Variants in CCDC175 observed in about 807,000 individuals in gnomAD.
CCDC175 encodes coiled-coil domain-containing protein 175.
Under a neutral mutation model 114.6 loss-of-function variants are expected in CCDC175, and 100 were observed. The observed-to-expected ratio is 0.87, with a 90% confidence interval of 0.74 to 1.03. The LOEUF is 1.03. CCDC175 is among the 50% of genes least tolerant of loss of function. The probability of loss-of-function intolerance (pLI) is 0.00; values close to 1 mark genes in which losing one functional copy is unlikely to be tolerated. For missense variants in CCDC175, 880 were observed against 917.8 expected, an observed-to-expected ratio of 0.96 and a Z score of 0.53; for synonymous variants, 306 against 308.7, an observed-to-expected ratio of 0.99 and a Z score of 0.09.
intron 17 of CCDC175, among the ~76,000 whole-genome samples, chr14:59,518,458 C>A (rs1893233812): frequency 6.6e-6 from 1 of 152,038 alleles, no homozygotes; most frequent in Non-Finnish European, 1.5e-5. Flanking sequence ...CTACAATGAA[C>A]TCAGACAAAT....
intron 8 of CCDC175, among the ~76,000 whole-genome samples, chr14:59,546,635 G>A (rs959911794): frequency 6.6e-6 from 1 of 152,028 alleles, no homozygotes; most frequent in Admixed American, 6.6e-5. Flanking sequence ...CATGGCAAGT[G>A]GAACAAAAGC....
At chr14:59,510,585 C>T in intron 19 of CCDC175, 61 bp downstream of exon 19, 1 of 1,486,484 alleles carries the variant, frequency 6.7e-7, no homozygotes, top group Non-Finnish European at 9.1e-7. Context: ...TTTGATGTTA[C>T]CAGCTATATA....
chr14:59,570,242 T>C (rs945273068), intron 3 of CCDC175, among the ~76,000 whole-genome samples: 2 of 152,028 alleles, frequency 1.3e-5, no homozygotes, highest in African/African-American at 4.8e-5. Context: ...CCTGGAGAAG[T>C]TGCACACACT....
chr14:59,568,354 T>A lies in CCDC175; in HGVS notation c.382A>T (p.Asn128Tyr). 1 of 1,529,580 alleles carries A rather than the reference T, an allele frequency of 6.5e-7. No individual in the cohort carries two copies. The highest frequency in any genetic ancestry group is 1.2e-5 in the South Asian group (1 of 81,898). 94.8% of individuals were successfully genotyped at this position (1,529,580 alleles called of 1,614,324 possible). ...TTTATTGTATTTATCTCAAAAAGAT[T>A]TAATCTGCGAGCGTCTCGGACACAT... ...EECVRDARRL[N>Y]LFEINTIKMR... Residue 128 changes from asparagine (N) to tyrosine (Y), a missense_variant, in exon 4 of 20, where the codon AAT becomes TAT. Coordinates refer to ENST00000537690, the MANE Select transcript of CCDC175 (RefSeq NM_001164399.2).
intron 7 of CCDC175, among the ~76,000 whole-genome samples, chr14:59,555,959 T>C (rs1183567757): frequency 1.3e-5 from 2 of 151,964 alleles, no homozygotes; most frequent in Non-Finnish European, 2.9e-5. Flanking sequence ...CTCAACGAAA[T>C]AAAAGAGGAC....
chr14:59,530,457 AGGAGG>A (rs1211477708), intron 14 of CCDC175, among the ~76,000 whole-genome samples: 10 of 96,202 alleles, frequency 1.0e-4, no homozygotes, highest in East Asian at 3.4e-4. Flanking sequence ...GGGAGGGGAG[AGGAGG>A]GGAGGGGAGG....
At chr14:59,505,922 T>C (rs1388138700) in intron 19 of CCDC175, among the ~76,000 whole-genome samples, 2 of 152,272 alleles carry the variant, frequency 1.3e-5, no homozygotes, top group African/African-American at 4.8e-5. Flanking sequence ...ATTTTCAGAT[T>C]TTGGAATATT....
intron 15 of CCDC175, among the ~76,000 whole-genome samples, chr14:59,526,099 A>T (rs1893717897): frequency 6.6e-6 from 1 of 152,206 alleles, no homozygotes; most frequent in South Asian, 2.1e-4. Flanking sequence ...GAAGAAGATT[A>T]TGAATTTTTT....
chr14:59,572,912 T>C, intron 2 of CCDC175, 99 bp from the exon 3 acceptor site: 1 of 600,400 alleles, frequency 1.7e-6, no homozygotes, highest in African/African-American at 1.9e-5. Flanking sequence ...GGTCAAAATA[T>C]AATTTCACTA....
At chr14:59,545,444 A>G (rs921856008) in intron 8 of CCDC175, 145 bp from the exon 9 acceptor site, 11 of 637,162 alleles carry the variant, frequency 1.7e-5, no homozygotes, top group African/African-American at 1.7e-4. Context: ...ATTTAATTCT[A>G]TAGCAAACAT....
intron 1 of CCDC175, among the ~76,000 whole-genome samples, chr14:59,575,819 A>G (rs1897087650): frequency 7.2e-6 from 1 of 138,256 alleles, no homozygotes; most frequent in Non-Finnish European, 1.6e-5. Context: ...AACATTCTTC[A>G]TGATAACATT....
intron 6 of CCDC175, among the ~76,000 whole-genome samples, chr14:59,563,157 C>T (rs2140109046): frequency 6.6e-6 from 1 of 152,204 alleles, no homozygotes; most frequent in Non-Finnish European, 1.5e-5. Context: ...ATTATAGTCA[C>T]CTCCATAAGC....
At chr14:59,531,061 G>A (rs1894042571) in intron 14 of CCDC175, among the ~76,000 whole-genome samples, 1 of 151,752 alleles carries the variant, frequency 6.6e-6, no homozygotes. Context: ...GATCTCCTAA[G>A]CCCAGGAGTT....
rs1480426196 is a variant in CCDC175 at position 59,538,798 on chromosome 14, A to AAAATGGCT, written c.1397_1398insAGCCATTT (p.His466GlnfsTer11). On this transcript the variant is annotated frameshift_variant, in exon 12 of 20. Transcript: ENST00000537690. LOFTEE classifies it high-confidence loss of function. The stretch of plus-strand genomic sequence containing the variant: ...CTTTTATCTTGGCTGTCCAACGTGC[A>AAAATGGCT]TGCTTTTTTCTCAAGCAAGCCATTT... 6.5e-7 allele frequency: 1 copy of AAAATGGCT among 1,536,914 alleles called. No homozygotes were observed. The highest frequency in any genetic ancestry group is 8.7e-7 in the Non-Finnish European group (1 of 1,146,700).
intron 17 of CCDC175, among the ~76,000 whole-genome samples, chr14:59,514,522 T>G (rs1226950981): frequency 2.0e-5 from 3 of 152,144 alleles, no homozygotes; most frequent in Non-Finnish European, 4.4e-5. Flanking sequence ...GACAAATGCA[T>G]AAGCCTCAGT....
rs190992589 is a variant in CCDC175 at position 59,573,060 on chromosome 14, A to C, written c.244-247T>G. Among the ~76,000 whole-genome samples the C allele has an allele frequency of 8.5e-5, 13 of 152,234 alleles. No homozygotes were observed. The East Asian group carries it at 2.5e-3, about 29-fold the overall frequency. ...GAGAAATTATCTTTTCTTTATGAGT[A>C]TCTGTTTCTTATATGCAGTTTCAAT... On this transcript the variant is annotated intron_variant, in intron 2 of 19. Transcript: ENST00000537690.
intron 13 of CCDC175, among the ~76,000 whole-genome samples, chr14:59,535,684 G>T (rs1894350230): frequency 6.6e-6 from 1 of 152,180 alleles, no homozygotes; most frequent in Non-Finnish European, 1.5e-5. Context: ...GAAAAACTCA[G>T]ATTATTTCAG....
At chr14:59,510,443 T>C (rs1484788202) in intron 19 of CCDC175, 1 of 493,132 alleles carries the variant, frequency 2.0e-6, no homozygotes, top group Non-Finnish European at 3.6e-6. Context: ...TCTAGAAAAT[T>C]CTCTTAGGTG....
chr14:59,517,625 A>G (rs1353659061), intron 17 of CCDC175, among the ~76,000 whole-genome samples: 1 of 152,242 alleles, frequency 6.6e-6, no homozygotes, highest in African/African-American at 2.4e-5. Flanking sequence ...GATGTGAAGG[A>G]CCTCTTCAAG....
Sources: allele counts gnomAD v4.1 joint callset (sites outside exome capture counted in the v4.1 genomes callset), GRCh38; gene constraint gnomAD v4.1.1; transcripts MANE v1.5; gene names NCBI Gene and HGNC (gene_info 2026-07-23, HGNC 2026-07-21).